The following AMPD3 variants were observed in gnomAD, a reference collection of about 807,000 sequenced individuals.
AMPD3 encodes the protein AMP deaminase 3.
Under a neutral mutation model 82.3 loss-of-function variants are expected in AMPD3, and 57 were observed. That is an observed-to-expected ratio of 0.69 (90% CI 0.56 to 0.86). The LOEUF (loss-of-function observed/expected upper bound fraction) is 0.86. Ranked by LOEUF, AMPD3 falls within the 40% of genes least tolerant of loss-of-function variation. The pLI, the probability that AMPD3 is intolerant of heterozygous loss-of-function variation, is 0.00. For synonymous variants in AMPD3, 381 were observed against 394.7 expected (o/e 0.97, Z 0.41); for missense variants, 870 against 1,003.8 (o/e 0.87, Z 1.80).
At chr11:10,493,293 C>T in intron 6 of AMPD3, 56 bp from the exon 7 acceptor site, 1 of 1,602,570 alleles carries the variant, frequency 6.2e-7, no homozygotes, top group South Asian at 1.1e-5. Flanking sequence ...GATGTCTTAA[C>T]TCTTGTTGCT....
intron 6 of AMPD3, among the ~76,000 whole-genome samples, chr11:10,489,742 A>G (rs1165787665): frequency 6.6e-6 from 1 of 151,434 alleles, no homozygotes; most frequent in African/African-American, 2.4e-5. Context: ...GTGCAGTGGT[A>G]CAATCTCAGC....
chr11:10,478,378 T>A, intron 2 of AMPD3, 148 bp from the exon 3 acceptor site: 1 of 1,581,574 alleles, frequency 6.3e-7, no homozygotes, highest in Non-Finnish European at 8.6e-7. Flanking sequence ...GAGGAAGGCA[T>A]GAATAATTAG....
chr11:10,488,234 C>CT lies in AMPD3; in HGVS notation c.939+874dup, dbSNP rs1225597580. The CT allele has an allele frequency of 3.0e-6, 3 of 985,358 alleles. No individual in the cohort carries two copies. The African/African-American group carries it at 5.2e-5, about 17-fold the overall frequency. 61.0% of individuals were successfully genotyped at this position (985,358 alleles called of 1,614,324 possible). A position where few individuals can be genotyped will look rare whatever the true frequency, so the allele number is the denominator to read the frequency against. ...ATCATGGCCCTAGCCTTTCCATTCT[C>CT]TTTTGCTGAAGCGCTGTGCAGTGAG... On this transcript the variant is annotated intron_variant, in intron 6 of 14. Transcript: ENST00000396553.
intron 4 of AMPD3, among the ~76,000 whole-genome samples, chr11:10,483,195 G>C (rs1275191022): frequency 6.6e-6 from 1 of 152,152 alleles, no homozygotes; most frequent in Non-Finnish European, 1.5e-5. Context: ...GGGGAGGTCG[G>C]AGAGGGCTAG....
At chr11:10,487,128 C>T (rs896615743) in intron 5 of AMPD3, 107 bp from the exon 6 acceptor site, 22 of 1,586,976 alleles carry the variant, frequency 1.4e-5, no homozygotes, top group Admixed American at 3.4e-5. Context: ...CGCCCTGCTC[C>T]GTCCTGACCC....
intron 3 of AMPD3, chr11:10,480,011 C>T (rs928171136): frequency 1.0e-5 from 10 of 964,274 alleles, no homozygotes; most frequent in Non-Finnish European, 1.1e-5. Flanking sequence ...CGAGGTGGGT[C>T]GGCCACCAGC....
intron 2 of AMPD3, among the ~76,000 whole-genome samples, chr11:10,476,380 C>T (rs963167790): frequency 3.3e-5 from 5 of 152,228 alleles, no homozygotes; most frequent in Admixed American, 1.3e-4. Flanking sequence ...TGGGTACTAG[C>T]TTCCTCACTG....
intron 13 of AMPD3, 25 bp from the exon 14 acceptor site, chr11:10,504,524 C>A (rs1449073911): frequency 6.3e-7 from 1 of 1,592,968 alleles, no homozygotes; most frequent in Non-Finnish European, 8.6e-7. Context: ...CCCTTCTAAT[C>A]CACATGCTTT....
At chr11:10,502,406 A>T (rs954638037) in intron 12 of AMPD3, 1 of 985,330 alleles carries the variant, frequency 1.0e-6, no homozygotes, top group East Asian at 1.1e-4. Flanking sequence ...AAAGGAGCTG[A>T]AGGTGTAGGC....
Position 10,484,977 on chromosome 11 carries a change from C to T in AMPD3, c.747C>T (p.Pro249=), listed in dbSNP as rs771609974. 1.8e-5 allele frequency: 29 copies of T among 1,606,644 alleles called. No homozygotes were observed. The highest frequency in any genetic ancestry group is 2.0e-5 in the Non-Finnish European group (23 of 1,177,026). The change falls in exon 5 of 15, where the codon CCC becomes CCT. Residue 249 remains proline (P), a synonymous_variant. Coordinates refer to ENST00000396553, the MANE Select transcript of AMPD3 (RefSeq NM_001025389.2). Reference sequence around the variant, plus strand: ...AGGAGCCGCACAGCCTACCCTACCCCGACCTGGAGACCTACACGGTGGACA... The same window carrying T: ...AGGAGCCGCACAGCCTACCCTACCCTGACCTGGAGACCTACACGGTGGACA... ...EHQEPHSLPY[P]DLETYTVDMS...
intron 5 of AMPD3, among the ~76,000 whole-genome samples, chr11:10,485,759 G>A (rs1452285596): frequency 7.3e-6 from 1 of 137,228 alleles, no homozygotes; most frequent in East Asian, 1.9e-4. Context: ...GGGAGCCTGG[G>A]GAACTTTGCT....
chr11:10,500,470 A>AAC (rs1191934913), intron 11 of AMPD3: 1 of 591,058 alleles, frequency 1.7e-6, no homozygotes, highest in Non-Finnish European at 2.1e-6. Flanking sequence ...TGCCCACCAT[A>AAC]ACACACATGC....
chr11:10,500,437 A>G, intron 11 of AMPD3, 188 bp downstream of exon 11: 1 of 535,356 alleles, frequency 1.9e-6, no homozygotes, highest in Non-Finnish European at 2.4e-6. Flanking sequence ...GCATGTCTCC[A>G]CATGATCACA....
chr11:10,461,221 G>A, intron 1 of AMPD3: 2 of 1,287,470 alleles, frequency 1.6e-6, no homozygotes, highest in African/African-American at 1.5e-5. Context: ...GGGCTGCCAG[G>A]TGCTGCAGAT....
At chr11:10,461,119 T>C in intron 1 of AMPD3, 2 of 1,187,360 alleles carry the variant, frequency 1.7e-6, no homozygotes, top group South Asian at 1.6e-5. Context: ...TGATTATTGT[T>C]GCAGCTATAA....
At chr11:10,471,221 C>G (rs1447433225) in intron 2 of AMPD3, among the ~76,000 whole-genome samples, 1 of 152,174 alleles carries the variant, frequency 6.6e-6, no homozygotes, top group African/African-American at 2.4e-5. Context: ...GAAAGGATTC[C>G]CTATTTAATA....
intron 2 of AMPD3, among the ~76,000 whole-genome samples, chr11:10,465,062 A>G (rs1848380587): frequency 6.6e-6 from 1 of 152,378 alleles, no homozygotes; most frequent in Non-Finnish European, 1.5e-5. Context: ...CTAAACTGCA[A>G]AATGAGAATA....
intron 2 of AMPD3, among the ~76,000 whole-genome samples, chr11:10,470,755 G>T (rs553086699): frequency 1.3e-5 from 2 of 152,226 alleles, no homozygotes; most frequent in Admixed American, 1.3e-4. Context: ...AACTTACAAG[G>T]GATGTGAAGG....
At chr11:10,502,386 T>TGCC in intron 12 of AMPD3, 2 of 985,478 alleles carry the variant, frequency 2.0e-6, no homozygotes, top group South Asian at 9.4e-5. Context: ...ACTGGGTCCG[T>TGCC]GCCTAGGAGA....
Sources: allele counts gnomAD v4.1 joint callset (sites outside exome capture counted in the v4.1 genomes callset), GRCh38; gene constraint gnomAD v4.1.1; transcripts MANE v1.5; gene names NCBI Gene and HGNC (gene_info 2026-07-23, HGNC 2026-07-21).